Variants in CD109 observed in about 807,000 individuals in gnomAD.
CD109 encodes the protein CD109 molecule.
A neutral mutation model predicts 165.8 loss-of-function variants in CD109; 149 were observed. That is an observed-to-expected ratio of 0.90 (90% CI 0.79 to 1.03). The LOEUF is 1.03. CD109 is among the 50% of genes least tolerant of loss of function. The pLI is 0.00. For missense variants in CD109, 1,712 were observed against 1,677.8 expected (o/e 1.02, Z -0.36); for synonymous variants, 585 against 592.1 (o/e 0.99, Z 0.18).
At chr6:73,803,420 C>A in intron 24 of CD109, 119 bp downstream of exon 24, 1 of 644,190 alleles carries the variant, frequency 1.6e-6, no homozygotes, top group Non-Finnish European at 2.7e-6. Context: ...GTTGCTTTTT[C>A]CTTAGTCTGG....
At chr6:73,774,912 G>A (rs1774181891) in intron 15 of CD109, among the ~76,000 whole-genome samples, 3 of 151,220 alleles carry the variant, frequency 2.0e-5, no homozygotes, top group Admixed American at 6.6e-5. Flanking sequence ...AGGGAGTGAG[G>A]ATCCTGTCAT....
chr6:73,681,524 G>A, the CD109 span, among the ~76,000 whole-genome samples: 47 of 152,124 alleles, frequency 3.1e-4, no homozygotes, highest in South Asian at 6.7e-3. Flanking sequence ...TCACAATCAC[G>A]GTGGAAGGCA....
chr6:73,703,418 G>A (rs1026442304), intron 2 of CD109, among the ~76,000 whole-genome samples: 3 of 152,222 alleles, frequency 2.0e-5, no homozygotes, highest in Admixed American at 6.5e-5. Flanking sequence ...GGACCTCAAA[G>A]ATAAGCAAAT....
rs1776262922 is a variant in CD109 at position 73,825,983 on chromosome 6, A to G, written c.*2350A>G. On this transcript the variant is annotated 3_prime_UTR_variant, in exon 33 of 33. Transcript: ENST00000287097. The stretch of plus-strand genomic sequence containing the variant: ...ACAGAGTGAGATTCTGTCTCAAAAA[A>G]CAAAAAACAAAAAAGTCACCTTGTA... The G allele has an allele frequency of 6.6e-6, 1 of 152,184 alleles. No homozygotes were observed. The highest frequency in any genetic ancestry group is 6.5e-5 in the Admixed American group (1 of 15,274). 9.4% of individuals were successfully genotyped at this position (152,184 alleles called of 1,614,324 possible).
At chr6:73,702,038 ACCATTTTTTAAATGCTG>A (rs1771103230) in intron 2 of CD109, among the ~76,000 whole-genome samples, 1 of 152,152 alleles carries the variant, frequency 6.6e-6, no homozygotes, top group Admixed American at 6.5e-5. Context: ...GTTTGGGGGC[ACCATTTTTTAAATGCTG>A]CCAATCCTAC....
chr6:73,809,038 C>G (rs569334362), intron 26 of CD109, among the ~76,000 whole-genome samples: 5 of 152,176 alleles, frequency 3.3e-5, no homozygotes, highest in Non-Finnish European at 7.4e-5. Context: ...AAGATTATTG[C>G]TTAGAGGCTG....
intron 2 of CD109, among the ~76,000 whole-genome samples, chr6:73,717,751 C>T (rs972236758): frequency 6.6e-6 from 1 of 151,292 alleles, no homozygotes; most frequent in African/African-American, 2.4e-5. Flanking sequence ...TTCCAAGTAG[C>T]TGGGACTACA....
intron 29 of CD109, among the ~76,000 whole-genome samples, chr6:73,814,026 T>A (rs978640302): frequency 3.9e-5 from 6 of 151,912 alleles, no homozygotes; most frequent in Non-Finnish European, 7.4e-5. Context: ...AAGGATCGAG[T>A]GGATGAAGGA....
chr6:73,705,206 G>A (rs946874383), intron 2 of CD109, among the ~76,000 whole-genome samples: 1 of 152,150 alleles, frequency 6.6e-6, no homozygotes. Context: ...TTGCAGCTGG[G>A]GAGAGAGATT....
chr6:73,790,867 C>T (rs140078559), intron 22 of CD109, among the ~76,000 whole-genome samples: 65 of 152,132 alleles, frequency 4.3e-4, no homozygotes, highest in African/African-American at 1.5e-3. Context: ...AATGCTTAAT[C>T]TAGGCACCCC....
chr6:73,709,216 T>TA (rs1233774460), intron 2 of CD109, among the ~76,000 whole-genome samples: 2 of 152,202 alleles, frequency 1.3e-5, no homozygotes, highest in African/African-American at 4.8e-5. Context: ...GCTTTCTACA[T>TA]ATGGCTAGCC....
At chr6:73,757,103 C>T (rs1483890699) in intron 6 of CD109, among the ~76,000 whole-genome samples, 4 of 152,138 alleles carry the variant, frequency 2.6e-5, no homozygotes, top group African/African-American at 4.8e-5. Flanking sequence ...CTGTTAGAAA[C>T]CCATAGATAA....
intron 5 of CD109, among the ~76,000 whole-genome samples, chr6:73,750,853 C>T (rs1045313667): frequency 2.0e-5 from 3 of 152,130 alleles, no homozygotes; most frequent in African/African-American, 7.2e-5. Flanking sequence ...TTCTTTGGGA[C>T]GAATTCTTCC....
intron 24 of CD109, among the ~76,000 whole-genome samples, chr6:73,804,784 AATATCT>A (rs1184891819): frequency 6.6e-6 from 1 of 152,236 alleles, no homozygotes; most frequent in African/African-American, 2.4e-5. Context: ...TTCTTTGGTA[AATATCT>A]AGAACAGTCC....
At chr6:73,759,921 G>T (rs1773544976) in intron 7 of CD109, among the ~76,000 whole-genome samples, 1 of 151,832 alleles carries the variant, frequency 6.6e-6, no homozygotes, top group African/African-American at 2.4e-5. Flanking sequence ...TCTTAGTTTG[G>T]AATATGCTAT....
intron 2 of CD109, among the ~76,000 whole-genome samples, chr6:73,715,902 C>T (rs1240613487): frequency 1.3e-5 from 2 of 152,176 alleles, no homozygotes; most frequent in African/African-American, 2.4e-5. Flanking sequence ...ATTAACCATC[C>T]TCACTTGCTC....
intron 2 of CD109, among the ~76,000 whole-genome samples, chr6:73,705,173 A>T (rs1562020319): frequency 6.6e-6 from 1 of 152,172 alleles, no homozygotes; most frequent in Non-Finnish European, 1.5e-5. Flanking sequence ...CCAGGTGGAG[A>T]TGTCCAGCAG....
At chr6:73,819,611 T>A (rs529994447) in intron 31 of CD109, among the ~76,000 whole-genome samples, 2 of 152,336 alleles carry the variant, frequency 1.3e-5, no homozygotes, top group South Asian at 4.1e-4. Context: ...TCTCATTTGT[T>A]TTAGCACTTC....
At chr6:73,816,712 C>G (rs1415986091) in intron 30 of CD109, among the ~76,000 whole-genome samples, 1 of 152,100 alleles carries the variant, frequency 6.6e-6, no homozygotes, top group East Asian at 1.9e-4. Context: ...GAGGGGGATA[C>G]AGAAATTAAT....
Sources: gnomAD v4.1 joint callset for allele counts (sites outside exome capture counted in the v4.1 genomes callset) on GRCh38, gnomAD v4.1.1 for gene constraint, MANE v1.5 for transcripts, NCBI Gene and HGNC (gene_info 2026-07-23, HGNC 2026-07-21) for gene names.